The following ADCY8 variants were observed in gnomAD, a reference collection of about 807,000 sequenced individuals.
The protein encoded by ADCY8 is adenylate cyclase type 8.
Under a neutral mutation model 119.7 loss-of-function variants are expected in ADCY8, and 51 were observed. The ratio of observed to expected loss-of-function variants is 0.43; its 90% confidence interval spans 0.34 to 0.54. ADCY8 has a LOEUF of 0.54. Ranked by LOEUF, ADCY8 falls within the 20% of genes least tolerant of loss-of-function variation. ADCY8 has a pLI of 0.03. For synonymous variants in ADCY8, 665 were observed against 651.0 expected (o/e 1.02, Z -0.33); for missense variants, 1,383 against 1,598.8 (o/e 0.87, Z 2.30).
chr8:130,896,836 G>A (rs1270766852), intron 7 of ADCY8, among the ~76,000 whole-genome samples: 2 of 152,050 alleles, frequency 1.3e-5, no homozygotes, highest in Non-Finnish European at 2.9e-5. Flanking sequence ...ATGGCTTCCT[G>A]GTAAATTATT....
At chr8:130,977,812 T>A (rs1302456557) in intron 2 of ADCY8, among the ~76,000 whole-genome samples, 3 of 152,230 alleles carry the variant, frequency 2.0e-5, no homozygotes, top group South Asian at 4.1e-4. Context: ...CATTAGTGAA[T>A]TCTCCTTTTC....
chr8:130,833,983 A>G (rs1451613043), intron 12 of ADCY8, among the ~76,000 whole-genome samples: 1 of 152,192 alleles, frequency 6.6e-6, no homozygotes, highest in Non-Finnish European at 1.5e-5. Context: ...ATTGTAAAAC[A>G]TGGCAACTAT....
intron 15 of ADCY8, among the ~76,000 whole-genome samples, chr8:130,788,532 TTAGA>T (rs1473019577): frequency 2.6e-5 from 4 of 152,078 alleles, no homozygotes; most frequent in East Asian, 1.9e-4. Flanking sequence ...AAACTTACAG[TTAGA>T]TAGGAGGAAT....
intron 12 of ADCY8, among the ~76,000 whole-genome samples, chr8:130,835,403 G>A (rs972170865): frequency 6.6e-6 from 1 of 152,308 alleles, no homozygotes; most frequent in East Asian, 1.9e-4. Flanking sequence ...GGCTCTGCGA[G>A]TGGATTTTCC....
intron 15 of ADCY8, among the ~76,000 whole-genome samples, chr8:130,800,173 T>C (rs978802335): frequency 6.6e-6 from 1 of 152,158 alleles, no homozygotes. Context: ...ATCTGCCAGC[T>C]GTGTGACACT....
intron 1 of ADCY8, among the ~76,000 whole-genome samples, chr8:131,033,669 G>C (rs1824061070): frequency 6.6e-6 from 1 of 152,118 alleles, no homozygotes; most frequent in Non-Finnish European, 1.5e-5. Flanking sequence ...CCAGGGCAAA[G>C]ATGTCTACAG....
intron 13 of ADCY8, among the ~76,000 whole-genome samples, 173 bp downstream of exon 13, chr8:130,821,169 T>C (rs1341831049): frequency 2.6e-5 from 4 of 152,212 alleles, no homozygotes; most frequent in African/African-American, 9.7e-5. Flanking sequence ...GTTTACCAGA[T>C]CTTCTCCAGC....
chr8:130,817,485 G>A (rs936706923), intron 13 of ADCY8, among the ~76,000 whole-genome samples: 9 of 152,238 alleles, frequency 5.9e-5, no homozygotes, highest in African/African-American at 2.2e-4. Flanking sequence ...CTTGTTTTAA[G>A]TAAATGACTT....
At chr8:130,919,203 T>G (rs1820224700) in intron 5 of ADCY8, among the ~76,000 whole-genome samples, 1 of 152,148 alleles carries the variant, frequency 6.6e-6, no homozygotes, top group Admixed American at 6.5e-5. Flanking sequence ...CCTTTTGCTG[T>G]TTTTTAACAT....
intron 9 of ADCY8, among the ~76,000 whole-genome samples, chr8:130,863,385 A>G (rs1818009144): frequency 7.1e-6 from 1 of 140,044 alleles, no homozygotes; most frequent in Admixed American, 7.1e-5. Context: ...TACAACATCT[A>G]TTGGGGCCTT....
intron 5 of ADCY8, among the ~76,000 whole-genome samples, chr8:130,910,776 A>T (rs1819957463): frequency 6.6e-6 from 1 of 152,236 alleles, no homozygotes; most frequent in Non-Finnish European, 1.5e-5. Context: ...GCATCTTGAG[A>T]AGACAGAAGA....
At chr8:130,993,982 G>A (rs890985693) in intron 1 of ADCY8, among the ~76,000 whole-genome samples, 2 of 152,168 alleles carry the variant, frequency 1.3e-5, no homozygotes, top group South Asian at 2.1e-4. Context: ...TCAAAGAAAT[G>A]CTTCAGGATC....
At position 130,808,251 on chromosome 8, in the gene ADCY8, C is replaced by T. The variant is rs148604535; in HGVS notation, c.2913+5818G>A. Reference sequence around the variant, plus strand: ...TGTTGTTTTTTCACTGTTTTAACCCCGGTATTTAGAATAGCACCTGGCACA... The same window carrying T: ...TGTTGTTTTTTCACTGTTTTAACCCTGGTATTTAGAATAGCACCTGGCACA... On this transcript the variant is annotated intron_variant, in intron 14 of 17. Coordinates refer to ENST00000286355, the MANE Select transcript of ADCY8 (RefSeq NM_001115.3). 7.4e-4 allele frequency among the ~76,000 whole-genome samples: 113 copies of T among 152,018 alleles called. 1 individual carries two copies. The East Asian group carries it at 9.3e-3, about 12-fold the overall frequency.
chr8:130,848,983 C>T (rs1817424125), intron 10 of ADCY8, among the ~76,000 whole-genome samples: 1 of 152,204 alleles, frequency 6.6e-6, no homozygotes, highest in African/African-American at 2.4e-5. Flanking sequence ...GCAGTTTCCT[C>T]ATCCATTAAA....
At chr8:130,809,625 G>C (rs1429692427) in intron 14 of ADCY8, among the ~76,000 whole-genome samples, 1 of 152,144 alleles carries the variant, frequency 6.6e-6, no homozygotes, top group African/African-American at 2.4e-5. Flanking sequence ...TCATATTACA[G>C]TTGAAGAAAC....
rs1045015024 is a variant in ADCY8, at chr8:130,937,318, C to T, written c.1354-118G>A. On this transcript the variant is annotated intron_variant, in intron 4 of 17. Coordinates refer to ENST00000286355, the MANE Select transcript of ADCY8 (RefSeq NM_001115.3). ...GTCTGCAACTTGGGGTAAGGAGAACCTACCTTTGAAATATACTTCTACCTG... is the reference window on the plus strand; with the variant it reads ...GTCTGCAACTTGGGGTAAGGAGAACTTACCTTTGAAATATACTTCTACCTG... The T allele has an allele frequency of 3.8e-6, 4 of 1,061,102 alleles. No homozygotes were observed. The African/African-American group carries it at 4.9e-5, about 13-fold the overall frequency. 65.7% of individuals were successfully genotyped at this position (1,061,102 alleles called of 1,614,324 possible). A position where few individuals can be genotyped will look rare whatever the true frequency, so the allele number is the denominator to read the frequency against.
intron 15 of ADCY8, among the ~76,000 whole-genome samples, chr8:130,796,365 T>C (rs1815578192): frequency 6.6e-6 from 1 of 152,156 alleles, no homozygotes; most frequent in East Asian, 1.9e-4. Context: ...TTCAGCCCTT[T>C]ATTGAGGCAG....
intron 5 of ADCY8, among the ~76,000 whole-genome samples, chr8:130,932,449 G>A (rs564610596): frequency 9.8e-5 from 15 of 152,310 alleles, no homozygotes; most frequent in African/African-American, 3.6e-4. Context: ...CAGGCCCAGT[G>A]TTGGGGTCCA....
intron 6 of ADCY8, among the ~76,000 whole-genome samples, chr8:130,907,374 A>G (rs1819822829): frequency 6.6e-6 from 1 of 152,202 alleles, no homozygotes; most frequent in South Asian, 2.1e-4. Flanking sequence ...GTGGAAAAAT[A>G]TATAACAATA....
Sources: allele counts gnomAD v4.1 joint callset (sites outside exome capture counted in the v4.1 genomes callset), GRCh38; gene constraint gnomAD v4.1.1; transcripts MANE v1.5; gene names NCBI Gene and HGNC (gene_info 2026-07-23, HGNC 2026-07-21).